The following ZC3HC1 variants were observed in gnomAD, a reference collection of about 807,000 sequenced individuals.
The protein encoded by ZC3HC1 is zinc finger C3HC-type protein 1.
Under a neutral mutation model 61.9 loss-of-function variants are expected in ZC3HC1, and 38 were observed. The ratio of observed to expected loss-of-function variants is 0.61; its 90% CI spans 0.47 to 0.81. ZC3HC1 has a LOEUF of 0.81. ZC3HC1 is among the 30% of genes least tolerant of loss of function. The pLI, the probability that ZC3HC1 is intolerant of heterozygous loss-of-function variation, is 0.00. For synonymous variants in ZC3HC1, 213 were observed against 229.9 expected, an observed-to-expected ratio of 0.93 and a Z score of 0.67; for missense variants, 554 against 622.7, an observed-to-expected ratio of 0.89 and a Z score of 1.17.
At chr7:130,022,555 A>T in intron 8 of ZC3HC1, 30 bp from the exon 9 acceptor site, 1 of 1,611,748 alleles carries the variant, frequency 6.2e-7, no homozygotes, top group Non-Finnish European at 8.5e-7. Context: ...AATAGCATTC[A>T]TAGGTAGATG....
chr7:130,050,771 T>TA (rs1233399870), intron 1 of ZC3HC1, among the ~76,000 whole-genome samples: 1 of 152,264 alleles, frequency 6.6e-6, no homozygotes, highest in Non-Finnish European at 1.5e-5. Context: ...AAAGCATTGT[T>TA]ACTGCGTAAC....
At chr7:130,032,639 A>G (rs1794248422) in intron 4 of ZC3HC1, among the ~76,000 whole-genome samples, 1 of 142,400 alleles carries the variant, frequency 7.0e-6, no homozygotes, top group African/African-American at 2.6e-5. Context: ...GAGAGAGAGG[A>G]GAGAGAAACG....
rs1410620750 is a variant in ZC3HC1, at chr7:130,026,193, A to C, written c.741T>G (p.Thr247=). The change falls in exon 6 of 10, where the codon ACT becomes ACG. Residue 247 remains threonine (T), a synonymous_variant. Coordinates refer to ENST00000358303, the MANE Select transcript of ZC3HC1 (RefSeq NM_016478.5). ...AGCCACACACAGAGAGAATACAGGC[A>C]GTGACGTGGACTTGGATGTCTGAGC... The part of the protein sequence containing the change: ...KLGSDIQVHV[T]ACILSVCGWA... 2 of 1,614,170 alleles carry C rather than the reference A, an allele frequency of 1.2e-6. No individual in the cohort carries two copies. The highest frequency in any genetic ancestry group is 1.7e-6 in the Non-Finnish European group (2 of 1,180,022).
At chr7:130,035,137 CAT>C in intron 4 of ZC3HC1, among the ~76,000 whole-genome samples, 1 of 152,266 alleles carries the variant, frequency 6.6e-6, no homozygotes, top group African/African-American at 2.4e-5. Context: ...CGCTTGTAAT[CAT>C]AGCACTTTGG....
chr7:130,043,810 A>T (rs1416919636), intron 2 of ZC3HC1: 4 of 454,474 alleles, frequency 8.8e-6, no homozygotes, highest in Admixed American at 4.8e-5. Context: ...GTGACGAGAG[A>T]TTCATGCAAG....
intron 2 of ZC3HC1, among the ~76,000 whole-genome samples, chr7:130,044,557 A>T (rs1794797085): frequency 6.6e-6 from 1 of 152,208 alleles, no homozygotes; most frequent in Admixed American, 6.5e-5. Context: ...TAATGATAGT[A>T]ATGAATTATA....
intron 4 of ZC3HC1, among the ~76,000 whole-genome samples, chr7:130,030,563 G>A (rs533555382): frequency 2.4e-4 from 37 of 152,054 alleles, no homozygotes; most frequent in African/African-American, 7.0e-4. Flanking sequence ...AAAGTGAAGA[G>A]AGAACATGTC....
At chr7:130,028,445 G>A (rs1360220497) in intron 5 of ZC3HC1, among the ~76,000 whole-genome samples, 1 of 152,092 alleles carries the variant, frequency 6.6e-6, no homozygotes, top group Non-Finnish European at 1.5e-5. Context: ...AGGAGGCTGA[G>A]GCAGGAGAAT....
chr7:130,040,037 G>A (rs1199450559), intron 3 of ZC3HC1, among the ~76,000 whole-genome samples: 1 of 151,642 alleles, frequency 6.6e-6, no homozygotes, highest in Non-Finnish European at 1.5e-5. Flanking sequence ...ATCTTATAAA[G>A]CAGAGCATTC....
At position 130,040,955 on chromosome 7, in the gene ZC3HC1, G is replaced by C. The variant is rs199892050; in HGVS notation, c.405C>G (p.Asp135Glu). The change falls in exon 3 of 10, where the codon GAC becomes GAG. Residue 135 changes from aspartate (D) to glutamate (E), a missense_variant. Coordinates refer to ENST00000358303, the MANE Select transcript of ZC3HC1 (RefSeq NM_016478.5). ...TAATTTGTACCTTATACTTACATCT[G>C]TCAAAGTCAAAAGCTGGTTGTAAAC... ...CASLQPAFDF[D>E]RYKQRCAELK... The C allele has an allele frequency of 2.2e-5, 35 of 1,611,426 alleles. No individual in the cohort carries two copies. The East Asian group carries it at 7.4e-4, about 34-fold the overall frequency.
Position 130,049,127 on chromosome 7 carries a change from G to A in ZC3HC1, c.164C>T (p.Thr55Ile), listed in dbSNP as rs1449817978. Residue 55 changes from threonine to isoleucine, a missense_variant, in exon 2 of 10, where the codon ACA becomes ATA. Transcript: ENST00000358303. ...GGGTGATCCATTAACTGACTGGGAT[G>A]TGGCAGACGTGTCCTTCCTAATATA... The part of the protein sequence containing the change: ...GGVDAKDTSA[T>I]SQSVNGSPQA... 6.3e-7 allele frequency: 1 copy of A among 1,598,630 alleles called. No individual in the cohort carries two copies. The highest frequency in any genetic ancestry group is 2.3e-5 in the East Asian group (1 of 44,072).
chr7:130,051,345 G>C lies in ZC3HC1; in HGVS notation c.22C>G (p.Gln8Glu). The C allele has an allele frequency of 1.2e-6, 2 of 1,613,084 alleles. No individual in the cohort carries two copies. Among genetic ancestry groups the C allele is most frequent in the South Asian group, 2.2e-5 (2 of 90,886 alleles). MAAPCEG[Q>E]AFAVGVEKNW... ...TTTTCAACCCCTACGGCAAACGCTT[G>C]TCCCTCACAGGGCGCCGCCATCTTG... is the stretch of plus-strand genomic sequence containing the variant. Residue 8 changes from glutamine to glutamate, a missense_variant, in exon 1 of 10, where the codon CAA becomes GAA. By Grantham distance (29) the Gln-to-Glu change is conservative. Coordinates refer to ENST00000358303, the MANE Select transcript of ZC3HC1 (RefSeq NM_016478.5).
At chr7:130,021,945 C>CG (rs975375763) in intron 9 of ZC3HC1, among the ~76,000 whole-genome samples, 10 of 152,156 alleles carry the variant, frequency 6.6e-5, no homozygotes, top group South Asian at 2.1e-4. Context: ...GAGGCCGAGG[C>CG]GGGGGGATCA....
rs555330260 is a variant in ZC3HC1, at chr7:130,034,671, A to G, written c.493+4793T>C. Among the ~76,000 whole-genome samples the G allele has an allele frequency of 5.3e-5, 8 of 151,882 alleles. No homozygotes were observed. The South Asian group carries it at 1.0e-3, about 20-fold the overall frequency. Reference sequence around the variant, plus strand: ...CCACCACATCTGGCTAATTTTAAAAAATTTTTTCTTTGTAGAGACAGGGTG... The same window carrying G: ...CCACCACATCTGGCTAATTTTAAAAGATTTTTTCTTTGTAGAGACAGGGTG... On this transcript the variant is annotated intron_variant, in intron 4 of 9. Coordinates refer to ENST00000358303, the MANE Select transcript of ZC3HC1 (RefSeq NM_016478.5).
intron 3 of ZC3HC1, 36 bp downstream of exon 3, chr7:130,040,914 AG>A: frequency 6.4e-7 from 1 of 1,573,026 alleles, no homozygotes; most frequent in Non-Finnish European, 8.6e-7. Flanking sequence ...TATATATTTG[AG>A]TGTGGAGAAA....
At position 130,051,320 on chromosome 7, in the gene ZC3HC1, T is replaced by A; in HGVS notation, c.47A>T (p.Lys16Met). 6.2e-7 allele frequency: 1 copy of A among 1,613,374 alleles called. No homozygotes were observed. Among genetic ancestry groups the A allele is most frequent in the South Asian group, 1.1e-5 (1 of 90,924 alleles). Residue 16 changes from lysine (K) to methionine (M), a missense_variant, in exon 1 of 10, where the codon AAG becomes ATG. Lys to Met is a moderately conservative substitution (Grantham distance 95). Coordinates refer to ENST00000358303, the MANE Select transcript of ZC3HC1 (RefSeq NM_016478.5). ...EGQAFAVGVE[K>M]NWGAVVRSPE... ...GGAGCGAACTACTGCACCCCAATTC[T>A]TTTCAACCCCTACGGCAAACGCTTG...
chr7:130,043,645 A>C (rs375033585), intron 2 of ZC3HC1: 1 of 253,030 alleles, frequency 4.0e-6, no homozygotes, highest in South Asian at 4.3e-5. Flanking sequence ...TTCCTGAGCA[A>C]TTCAGTCTTA....
intron 2 of ZC3HC1, among the ~76,000 whole-genome samples, chr7:130,044,362 A>C (rs1209734275): frequency 1.3e-5 from 2 of 152,186 alleles, no homozygotes; most frequent in Non-Finnish European, 2.9e-5. Context: ...AAAACAGCCA[A>C]GGATCCTTGT....
intron 2 of ZC3HC1, among the ~76,000 whole-genome samples, chr7:130,046,812 G>A (rs765844266): frequency 1.3e-5 from 2 of 151,868 alleles, no homozygotes; most frequent in East Asian, 1.9e-4. Flanking sequence ...TTTTTGAGAC[G>A]GAGTCTTCTC....
Sources: gnomAD v4.1 joint callset for allele counts (sites outside exome capture counted in the v4.1 genomes callset) on GRCh38, gnomAD v4.1.1 for gene constraint, MANE v1.5 for transcripts, NCBI Gene and HGNC (gene_info 2026-07-23, HGNC 2026-07-21) for gene names.